HECW1: variants seen among roughly 807,000 people sequenced by gnomAD.
HECW1 encodes E3 ubiquitin-protein ligase HECW1.
In HECW1, 61 loss-of-function variants were observed where a neutral mutation model predicts 182.3. That is an observed-to-expected ratio of 0.33 (90% CI 0.27 to 0.41). The LOEUF is 0.41. Among genes scored for constraint, HECW1 ranks in the 10% least tolerant of loss-of-function variants. The probability of loss-of-function intolerance (pLI) is 1.00; values close to 1 mark genes in which losing one functional copy is unlikely to be tolerated. For missense variants in HECW1, 1,739 were observed against 2,108.9 expected, an observed-to-expected ratio of 0.82 and a Z score of 3.44; for synonymous variants, 859 against 832.6, an observed-to-expected ratio of 1.03 and a Z score of -0.55.
intron 8 of HECW1, among the ~76,000 whole-genome samples, chr7:43,424,784 G>A (rs961390160): frequency 6.6e-6 from 1 of 152,048 alleles, no homozygotes; most frequent in Non-Finnish European, 1.5e-5. Flanking sequence ...TTGATTTCAT[G>A]TATTATGTAA....
At chr7:43,370,887 T>G (rs1193269949) in intron 6 of HECW1, among the ~76,000 whole-genome samples, 1 of 150,892 alleles carries the variant, frequency 6.6e-6, no homozygotes, top group Non-Finnish European at 1.5e-5. Flanking sequence ...GCAATGATAT[T>G]CTTTTTTTTT....
chr7:43,469,243 T>C, intron 16 of HECW1, 138 bp downstream of exon 16: 1 of 827,852 alleles, frequency 1.2e-6, no homozygotes, highest in South Asian at 1.7e-5. Context: ...GTAAAGGGGC[T>C]GATAACCACC....
intron 5 of HECW1, among the ~76,000 whole-genome samples, chr7:43,342,025 T>A (rs1813065465): frequency 6.6e-6 from 1 of 151,808 alleles, no homozygotes; most frequent in Non-Finnish European, 1.5e-5. Flanking sequence ...TTTGAATGAG[T>A]TCTTAGATAC....
intron 2 of HECW1, among the ~76,000 whole-genome samples, chr7:43,171,639 G>A (rs889816040): frequency 6.6e-6 from 1 of 152,184 alleles, no homozygotes; most frequent in African/African-American, 2.4e-5. Context: ...GGGGCGTTTA[G>A]CTCATATCCT....
chr7:43,170,249 C>T (rs1389529547), intron 2 of HECW1, among the ~76,000 whole-genome samples: 4 of 152,120 alleles, frequency 2.6e-5, no homozygotes, highest in Non-Finnish European at 5.9e-5. Context: ...TATATATTAA[C>T]ATGTAATAAT....
At chr7:43,185,440 G>C (rs1275048080) in intron 2 of HECW1, among the ~76,000 whole-genome samples, 1 of 152,184 alleles carries the variant, frequency 6.6e-6, no homozygotes, top group Non-Finnish European at 1.5e-5. Context: ...CCTGCTTCTT[G>C]CAACTGGCAT....
intron 26 of HECW1, among the ~76,000 whole-genome samples, chr7:43,542,360 G>A (rs966762225): frequency 6.6e-6 from 1 of 151,856 alleles, no homozygotes; most frequent in Non-Finnish European, 1.5e-5. Context: ...GTTGTAGCAT[G>A]TGTCTGAATT....
At chr7:43,206,298 A>G (rs1484462399) in intron 2 of HECW1, among the ~76,000 whole-genome samples, 3 of 152,132 alleles carry the variant, frequency 2.0e-5, no homozygotes, top group Admixed American at 6.5e-5. Context: ...ATCTTCCGGG[A>G]GGCTCTGTCA....
intron 6 of HECW1, among the ~76,000 whole-genome samples, chr7:43,365,265 C>T (rs1312774244): frequency 6.6e-6 from 1 of 152,264 alleles, no homozygotes; most frequent in Non-Finnish European, 1.5e-5. Context: ...ATACTGCTCC[C>T]ACACCTGGTT....
At chr7:43,389,896 G>C (rs1488318520) in intron 6 of HECW1, among the ~76,000 whole-genome samples, 1 of 152,094 alleles carries the variant, frequency 6.6e-6, no homozygotes, top group African/African-American at 2.4e-5. Flanking sequence ...GCCTCCCAAA[G>C]CGCTGAGATT....
intron 6 of HECW1, among the ~76,000 whole-genome samples, chr7:43,367,892 T>C (rs1816842956): frequency 6.6e-6 from 1 of 152,224 alleles, no homozygotes; most frequent in African/African-American, 2.4e-5. Context: ...TGTTTTCTGA[T>C]GCTCAAAGCC....
intron 2 of HECW1, among the ~76,000 whole-genome samples, chr7:43,129,803 A>G (rs978364640): frequency 1.3e-5 from 2 of 152,084 alleles, no homozygotes; most frequent in Non-Finnish European, 2.9e-5. Context: ...AGTCGCTGGT[A>G]TACGATGGTG....
chr7:43,365,491 C>T (rs1816527000), intron 6 of HECW1, among the ~76,000 whole-genome samples: 1 of 152,204 alleles, frequency 6.6e-6, no homozygotes, highest in Non-Finnish European at 1.5e-5. Context: ...GGAGTAGAGA[C>T]TTCTCTAGAT....
chr7:43,288,489 T>C (rs2152753020), intron 3 of HECW1, among the ~76,000 whole-genome samples: 1 of 152,326 alleles, frequency 6.6e-6, no homozygotes, highest in Admixed American at 6.5e-5. Context: ...ATACAGTCTT[T>C]GCTAGGAAAG....
chr7:43,341,167 G>A (rs1016883098), intron 5 of HECW1, among the ~76,000 whole-genome samples: 3 of 151,574 alleles, frequency 2.0e-5, no homozygotes, highest in African/African-American at 4.9e-5. Flanking sequence ...CATAGGGTTG[G>A]GGGGCAGGGG....
At chr7:43,499,062 CTT>C (rs1489461746) in intron 19 of HECW1, among the ~76,000 whole-genome samples, 1 of 151,950 alleles carries the variant, frequency 6.6e-6, no homozygotes, top group Non-Finnish European at 1.5e-5. Flanking sequence ...AGGCGAATCT[CTT>C]GAGCCCAGGA....
intron 5 of HECW1, among the ~76,000 whole-genome samples, chr7:43,329,791 T>A (rs1001618000): frequency 6.6e-6 from 1 of 152,066 alleles, no homozygotes; most frequent in Admixed American, 6.6e-5. Context: ...GAAGTGAGGG[T>A]GTGAAGGACT....
At chr7:43,428,432 G>A (rs1310681293) in intron 8 of HECW1, among the ~76,000 whole-genome samples, 1 of 152,176 alleles carries the variant, frequency 6.6e-6, no homozygotes, top group Non-Finnish European at 1.5e-5. Flanking sequence ...AAGCTTTTCT[G>A]TGTTTTAGAG....
chr7:43,529,960 T>TA (rs1468564796), intron 24 of HECW1, among the ~76,000 whole-genome samples: 1 of 151,758 alleles, frequency 6.6e-6, no homozygotes, highest in Non-Finnish European at 1.5e-5. Flanking sequence ...TTTATTTATT[T>TA]TTTTTTTGAG....
Sources: allele counts gnomAD v4.1 joint callset (sites outside exome capture counted in the v4.1 genomes callset), GRCh38; gene constraint gnomAD v4.1.1; transcripts MANE v1.5; gene names NCBI Gene and HGNC (gene_info 2026-07-23, HGNC 2026-07-21).